ZHX3: variants seen among roughly 807,000 people sequenced by gnomAD.
The protein encoded by ZHX3 is zinc fingers and homeoboxes protein 3.
ZHX3 carries 20 observed loss-of-function variants against 64.5 expected under a neutral mutation model. The observed-to-expected ratio is 0.31, with a 90% CI of 0.22 to 0.45. The LOEUF (loss-of-function observed/expected upper bound fraction) is 0.45, where lower values mean the gene tolerates loss of function less well. Ranked by LOEUF, ZHX3 falls within the 20% of genes least tolerant of loss-of-function variation. The pLI is 1.00. For synonymous variants in ZHX3, 423 were observed against 461.6 expected (o/e 0.92, Z 1.07); for missense variants, 1,041 against 1,195.8 (o/e 0.87, Z 1.91).
chr20:41,233,642 A>G (rs1371551128), intron 2 of ZHX3, among the ~76,000 whole-genome samples: 1 of 152,228 alleles, frequency 6.6e-6, no homozygotes, highest in Non-Finnish European at 1.5e-5. Flanking sequence ...GTGTAAATAG[A>G]TCAGCTGAAG....
At chr20:41,264,073 T>C (rs765514945) in intron 2 of ZHX3, among the ~76,000 whole-genome samples, 11 of 152,160 alleles carry the variant, frequency 7.2e-5, no homozygotes, top group Non-Finnish European at 1.5e-4. Context: ...ATTCTAACAC[T>C]GGCAAAAATA....
rs60859426 is a variant in ZHX3, at chr20:41,271,016, A to G, written c.-244-1933T>C. 4.0e-3 allele frequency among the ~76,000 whole-genome samples: 615 copies of G among 152,260 alleles called. 8 individuals are homozygous for G. The highest frequency in any genetic ancestry group is 0.025 in the East Asian group (127 of 5,176). On this transcript the variant is annotated intron_variant, in intron 1 of 3. Coordinates refer to ENST00000683867, the MANE Select transcript of ZHX3 (RefSeq NM_001384317.1). ...CCAGGGTGAGACCACAGTCTCTACA[A>G]AAGTATTTTTGTTTTTTGTTTTTGA...
chr20:41,279,107 C>CTATTGTCT (rs1474202878), intron 1 of ZHX3, among the ~76,000 whole-genome samples: 1 of 152,104 alleles, frequency 6.6e-6, no homozygotes, highest in Non-Finnish European at 1.5e-5. Context: ...TGTAAATAAA[C>CTATTGTCT]TATTGTCTTC....
intron 1 of ZHX3, among the ~76,000 whole-genome samples, chr20:41,289,301 C>T (rs538808231): frequency 7.9e-5 from 12 of 152,072 alleles, no homozygotes; most frequent in Admixed American, 5.9e-4. Flanking sequence ...GCACTCAGCA[C>T]AAATATTCTT....
chr20:41,186,430 C>A (rs1382554139), intron 3 of ZHX3, among the ~76,000 whole-genome samples: 1 of 152,184 alleles, frequency 6.6e-6, no homozygotes, highest in Non-Finnish European at 1.5e-5. Flanking sequence ...CTTTTGGCTA[C>A]TGTGAATAAT....
chr20:41,197,621 A>G (rs2037849097), intron 3 of ZHX3, among the ~76,000 whole-genome samples: 2 of 151,804 alleles, frequency 1.3e-5, no homozygotes, highest in African/African-American at 4.8e-5. Flanking sequence ...CAATCTGCCA[A>G]TCTTTGTTTT....
Position 41,224,895 on chromosome 20 carries a change from T to C in ZHX3, c.-150-19829A>G, listed in dbSNP as rs1021583381. 6.6e-6 allele frequency among the ~76,000 whole-genome samples: 1 copy of C among 152,270 alleles called. No individual in the cohort carries two copies. Among genetic ancestry groups the C allele is most frequent in the Non-Finnish European group, 1.5e-5 (1 of 68,042 alleles). ...CACAGCATCCTAATTGTTTCTTTCATAACATTTATCAAAATTTGTCTGGAT... is the reference window on the plus strand; with the variant it reads ...CACAGCATCCTAATTGTTTCTTTCACAACATTTATCAAAATTTGTCTGGAT... On this transcript the variant is annotated intron_variant, in intron 2 of 3. Transcript: ENST00000683867. This position sits in a 1 kb window ranked among gnomAD's most constrained non-coding sequence, Gnocchi z 5.2.
At chr20:41,225,639 C>A (rs184975954) in intron 2 of ZHX3, among the ~76,000 whole-genome samples, 35 of 152,254 alleles carry the variant, frequency 2.3e-4, no homozygotes, top group African/African-American at 8.4e-4. Flanking sequence ...AGGCACCTAC[C>A]ACCACGCAGG....
chr20:41,312,892 T>G (rs995949906), intron 1 of ZHX3, among the ~76,000 whole-genome samples: 2 of 152,026 alleles, frequency 1.3e-5, no homozygotes, highest in Non-Finnish European at 2.9e-5. Flanking sequence ...GGTTTACTCT[T>G]TAGTAGGATC....
chr20:41,309,735 G>A (rs556027973), intron 1 of ZHX3, among the ~76,000 whole-genome samples: 1 of 152,224 alleles, frequency 6.6e-6, no homozygotes, highest in African/African-American at 2.4e-5. Flanking sequence ...CCCATTTGCT[G>A]AAGATTCGGC....
At chr20:41,253,561 T>C (rs1325077943) in intron 2 of ZHX3, among the ~76,000 whole-genome samples, 1 of 152,120 alleles carries the variant, frequency 6.6e-6, no homozygotes, top group Non-Finnish European at 1.5e-5. Context: ...GATATTCCTC[T>C]GGGGAGTAGG....
Position 41,180,795 on chromosome 20 carries a change from T to G in ZHX3, c.*4396A>C, listed in dbSNP as rs1007549159. 2.0e-5 allele frequency: 3 copies of G among 152,252 alleles called. No individual in the cohort carries two copies. Among genetic ancestry groups the G allele is most frequent in the Admixed American group, 6.5e-5 (1 of 15,278 alleles). The allele number at this position is 152,252 out of a possible 1,614,324, so 9.4% of individuals were successfully genotyped here. A position where few individuals can be genotyped will look rare whatever the true frequency, so the allele number is the denominator to read the frequency against. On this transcript the variant is annotated 3_prime_UTR_variant, in exon 4 of 4. Transcript: ENST00000683867. ...CAGAGCAAACCAAGCAGCACCTTGA[T>G]TGCCACTTTTCCTCCAGCCACTCTG...
chr20:41,204,056 G>C lies in ZHX3; in HGVS notation c.861C>G (p.His287Gln), dbSNP rs755865834. 11 of 1,613,334 alleles carry C rather than the reference G, an allele frequency of 6.8e-6. No individual in the cohort carries two copies. In the Admixed American group the frequency reaches 1.0e-4, roughly 15 times the overall value. The stretch of plus-strand genomic sequence containing the variant: ...GGGCCTTGGCCGTGGGCAGTGGCTG[G>C]TGGACATGGTGTTGGGCATGCACTG... ...QPPVHAQHHV[H>Q]QPLPTAKALP... Residue 287 changes from histidine (H) to glutamine (Q), a missense_variant, in exon 3 of 4, where the codon CAC (histidine) becomes CAG (glutamine). Physicochemically the swap from His to Gln is conservative, Grantham distance 24. Transcript: ENST00000683867. This position sits in a 1 kb window ranked among gnomAD's most constrained non-coding sequence, Gnocchi z 6.6.
intron 2 of ZHX3, among the ~76,000 whole-genome samples, chr20:41,211,365 C>T (rs574014657): frequency 1.4e-4 from 21 of 152,098 alleles, no homozygotes; most frequent in Middle Eastern, 3.4e-3. Context: ...TAAATAAACA[C>T]GGCTATTTTA....
intron 2 of ZHX3, among the ~76,000 whole-genome samples, chr20:41,216,779 C>A (rs765282864): frequency 1.3e-5 from 2 of 152,156 alleles, no homozygotes; most frequent in African/African-American, 2.4e-5. Context: ...TAGCAAAATA[C>A]AAAATTGTCT....
chr20:41,196,233 C>T (rs1176238722), intron 3 of ZHX3, among the ~76,000 whole-genome samples: 1 of 133,724 alleles, frequency 7.5e-6, no homozygotes, highest in Non-Finnish European at 1.5e-5. Flanking sequence ...TCTGTCATTT[C>T]TGTTTCATAT....
rs2036428869 is a variant in ZHX3 at position 41,185,297 on chromosome 20, C to T, written c.2861-96G>A. ...TGCTATACCAGGGTGGCATCACTGG[C>T]TTTGAGGACCTCTTAATTCCATGAG... On this transcript the variant is annotated intron_variant, in intron 3 of 3. Coordinates refer to ENST00000683867, the MANE Select transcript of ZHX3 (RefSeq NM_001384317.1). The surrounding 1 kb of genome is among the most constrained non-coding windows in gnomAD (Gnocchi z 5.0). 13 of 1,383,588 alleles carry T rather than the reference C, an allele frequency of 9.4e-6. No individual in the cohort carries two copies. The highest frequency in any genetic ancestry group is 1.4e-5 in the African/African-American group (1 of 69,244). 85.7% of individuals were successfully genotyped at this position (1,383,588 alleles called of 1,614,324 possible). A position where few individuals can be genotyped will look rare whatever the true frequency, so the allele number is the denominator to read the frequency against.
rs945372507 is a variant in ZHX3, at chr20:41,205,020, T to C, written c.-104A>G. The C allele has an allele frequency of 1.6e-5, 22 of 1,386,368 alleles. No homozygotes were observed. In the African/African-American group the frequency reaches 3.1e-4, roughly 19 times the overall value. The allele number at this position is 1,386,368 out of a possible 1,614,324, so 85.9% of individuals were successfully genotyped here. ...GAGGGCCAAAGAAACAGTTTCTAAA[T>C]GCAGCTTTTTCAGTTGTTTGCAGAA... On this transcript the variant is annotated 5_prime_UTR_variant, in exon 3 of 4. Coordinates refer to ENST00000683867, the MANE Select transcript of ZHX3 (RefSeq NM_001384317.1).
intron 1 of ZHX3, among the ~76,000 whole-genome samples, chr20:41,275,680 C>T (rs2043345707): frequency 6.6e-6 from 1 of 152,226 alleles, no homozygotes; most frequent in Non-Finnish European, 1.5e-5. Flanking sequence ...TCTTCCAGAA[C>T]TGGAAAGCCC....
Sources: gnomAD v4.1 joint callset for allele counts (sites outside exome capture counted in the v4.1 genomes callset) on GRCh38, gnomAD v4.1.1 for gene constraint, Gnocchi (gnomAD v3.1) non-coding constraint, MANE v1.5 for transcripts, NCBI Gene and HGNC (gene_info 2026-07-23, HGNC 2026-07-21) for gene names.